The following HDAC4 variants were observed in gnomAD, a reference collection of about 807,000 sequenced individuals.
The protein encoded by HDAC4 is histone deacetylase A.
HDAC4 carries 16 observed loss-of-function variants against 135.1 expected under a neutral mutation model. The observed-to-expected ratio is 0.12, with a 90% CI of 0.08 to 0.18. HDAC4 has a LOEUF of 0.18. HDAC4 is among the 10% of genes least tolerant of loss of function. HDAC4 has a pLI of 1.00. For synonymous variants in HDAC4, 685 were observed against 653.4 expected (o/e 1.05, Z -0.74); for missense variants, 1,143 against 1,511.8 (o/e 0.76, Z 4.05).
intron 1 of HDAC4, among the ~76,000 whole-genome samples, chr2:239,375,741 A>G (rs1254623138): frequency 6.6e-6 from 1 of 152,136 alleles, no homozygotes; most frequent in African/African-American, 2.4e-5. Flanking sequence ...TGGAGCACCC[A>G]CTGCCAGGTG....
chr2:239,346,991 T>G (rs549869873), intron 2 of HDAC4, among the ~76,000 whole-genome samples: 1 of 88,500 alleles, frequency 1.1e-5, no homozygotes, highest in African/African-American at 3.2e-5. Flanking sequence ...ACACACACCC[T>G]GTCTAAAACA....
chr2:239,230,470 G>A (rs1228016311), intron 3 of HDAC4, among the ~76,000 whole-genome samples: 4 of 150,686 alleles, frequency 2.7e-5, no homozygotes, highest in Non-Finnish European at 4.4e-5. Context: ...TGCCGAGTCC[G>A]TGGGCCGGAG....
rs1028019587 is a variant in HDAC4, at chr2:239,052,863, C to T, written c.*234G>A. ...TCCGCGTGTCCGTGTGTCTGCGCGT[C>T]GCCGGCGTCTGTCCCGTGTTCCCTG... On this transcript the variant is annotated 3_prime_UTR_variant, in exon 27 of 27. Coordinates refer to ENST00000543185, the MANE Select transcript of HDAC4 (RefSeq NM_001378414.1). 33 of 580,152 alleles carry T rather than the reference C, an allele frequency of 5.7e-5. No homozygotes were observed. Among genetic ancestry groups the T allele is most frequent in the Non-Finnish European group, 7.7e-5 (25 of 323,400 alleles). 35.9% of individuals were successfully genotyped at this position (580,152 alleles called of 1,614,324 possible).
intron 16 of HDAC4, among the ~76,000 whole-genome samples, chr2:239,097,890 G>C (rs1041956723): frequency 7.2e-5 from 11 of 152,216 alleles, no homozygotes; most frequent in Non-Finnish European, 1.3e-4. Flanking sequence ...GGCTCCGTGG[G>C]CCACGTCCTT....
chr2:239,121,650 C>G (rs1180122461), intron 12 of HDAC4, among the ~76,000 whole-genome samples: 3 of 152,256 alleles, frequency 2.0e-5, no homozygotes, highest in Non-Finnish European at 4.4e-5. Flanking sequence ...GCCCCTCGGC[C>G]TGGAGGAGGG....
intron 5 of HDAC4, among the ~76,000 whole-genome samples, chr2:239,173,115 G>A (rs2043556305): frequency 6.6e-6 from 1 of 152,134 alleles, no homozygotes; most frequent in African/African-American, 2.4e-5. Flanking sequence ...AACTTTGCCA[G>A]AGAATACAAA....
In HDAC4 at chr2:239,306,214, C is replaced by T. The variant is rs1446892761; in HGVS notation, c.22+46464G>A. On this transcript the variant is annotated intron_variant, in intron 2 of 26. Coordinates refer to ENST00000543185, the MANE Select transcript of HDAC4 (RefSeq NM_001378414.1). This position sits in a 1 kb window ranked among gnomAD's most constrained non-coding sequence, Gnocchi z 4.5. The stretch of plus-strand genomic sequence containing the variant: ...TTTTCCTGAATAGATCTGACTTCCA[C>T]TTATTTTCCTATCATTTCCCATCTT... 1.3e-5 allele frequency among the ~76,000 whole-genome samples: 2 copies of T among 152,188 alleles called. No individual in the cohort carries two copies. The highest frequency in any genetic ancestry group is 4.8e-5 in the African/African-American group (2 of 41,440).
At chr2:239,304,390 T>C (rs2052453990) in intron 2 of HDAC4, among the ~76,000 whole-genome samples, 1 of 152,114 alleles carries the variant, frequency 6.6e-6, no homozygotes, top group African/African-American at 2.4e-5. Flanking sequence ...TGATACCAGG[T>C]GGTGGCATGG....
chr2:239,144,786 T>C, intron 7 of HDAC4, 72 bp from the exon 8 acceptor site: 1 of 1,511,822 alleles, frequency 6.6e-7, no homozygotes, highest in Non-Finnish European at 9.2e-7. Context: ...TGGTGGTTTT[T>C]TAAAAATACG....
chr2:239,123,112 C>G (rs1283891061), intron 12 of HDAC4, among the ~76,000 whole-genome samples: 1 of 152,242 alleles, frequency 6.6e-6, no homozygotes, highest in South Asian at 2.1e-4. Context: ...GTTTCTAAAT[C>G]CTTCAAGAGT....
At chr2:239,283,678 A>G (rs2050957589) in intron 2 of HDAC4, among the ~76,000 whole-genome samples, 1 of 152,190 alleles carries the variant, frequency 6.6e-6, no homozygotes, top group South Asian at 2.1e-4. Context: ...TTTCGTTTTC[A>G]TAACGGCTGT....
chr2:239,376,126 C>A (rs1347863764), intron 1 of HDAC4, among the ~76,000 whole-genome samples: 36 of 143,538 alleles, frequency 2.5e-4, no homozygotes, highest in East Asian at 8.4e-4. Flanking sequence ...AACACCAAGG[C>A]AGGTGCTGTG....
chr2:239,325,968 T>A (rs948821378), intron 2 of HDAC4, among the ~76,000 whole-genome samples: 5 of 151,192 alleles, frequency 3.3e-5, no homozygotes, highest in South Asian at 2.1e-4. Context: ...GAAAAAAAAA[T>A]AATAATAAAT....
intron 1 of HDAC4, among the ~76,000 whole-genome samples, chr2:239,398,141 T>G (rs1035390434): frequency 6.6e-6 from 1 of 152,222 alleles, no homozygotes; most frequent in African/African-American, 2.4e-5. Context: ...CCCCGCTGCC[T>G]CTCAGCAACG....
At chr2:239,205,713 G>A (rs1483289754) in intron 3 of HDAC4, among the ~76,000 whole-genome samples, 4 of 152,000 alleles carry the variant, frequency 2.6e-5, no homozygotes, top group Non-Finnish European at 5.9e-5. Context: ...AGGGGAGGAC[G>A]AGGAGGGAGG....
chr2:239,127,779 G>A (rs1417350390), intron 11 of HDAC4, among the ~76,000 whole-genome samples: 1 of 152,154 alleles, frequency 6.6e-6, no homozygotes, highest in Non-Finnish European at 1.5e-5. Context: ...CAAGGGCTAC[G>A]GGACCTCCAG....
intron 2 of HDAC4, among the ~76,000 whole-genome samples, chr2:239,336,855 G>A (rs1308739820): frequency 6.6e-6 from 1 of 152,206 alleles, no homozygotes; most frequent in African/African-American, 2.4e-5. Context: ...GTCTTTTACT[G>A]TATTCCAAGA....
rs931752620 is a variant in HDAC4, at chr2:239,240,558, A to G, written c.23-3894T>C. On this transcript the variant is annotated intron_variant, in intron 2 of 26. Coordinates refer to ENST00000543185, the MANE Select transcript of HDAC4 (RefSeq NM_001378414.1). This position sits in a 1 kb window ranked among gnomAD's most constrained non-coding sequence, Gnocchi z 4.5. ...CACTTCCTCATCACACGCCTGCTGC[A>G]AGCAGGTTCCCCCTTATCTGTCTCC... Among the ~76,000 whole-genome samples, 5 of 152,190 alleles carry G rather than the reference A, an allele frequency of 3.3e-5. No homozygotes were observed. The highest frequency in any genetic ancestry group is 1.2e-4 in the African/African-American group (5 of 41,458).
At chr2:239,190,956 A>G (rs377550712) in intron 3 of HDAC4, 7 of 465,996 alleles carry the variant, frequency 1.5e-5, no homozygotes, top group East Asian at 1.4e-4. Context: ...TTCTGAAAGC[A>G]TGCAGTGTGT....
Sources: gnomAD v4.1 joint callset for allele counts (sites outside exome capture counted in the v4.1 genomes callset) on GRCh38, gnomAD v4.1.1 for gene constraint, Gnocchi (gnomAD v3.1) non-coding constraint, MANE v1.5 for transcripts, NCBI Gene and HGNC (gene_info 2026-07-23, HGNC 2026-07-21) for gene names.